The following SIK3 variants were observed in gnomAD, a reference collection of about 807,000 sequenced individuals.
SIK3 encodes SIK family kinase 3.
A neutral mutation model predicts 144.2 loss-of-function variants in SIK3; 28 were observed. That is an observed-to-expected ratio of 0.19 (90% CI 0.14 to 0.27). The LOEUF is 0.27. Among genes scored for constraint, SIK3 ranks in the 10% least tolerant of loss-of-function variants. SIK3 has a pLI of 1.00. For synonymous variants in SIK3, 686 were observed against 676.3 expected, an observed-to-expected ratio of 1.01 and a Z score of -0.22; for missense variants, 1,319 against 1,776.0, an observed-to-expected ratio of 0.74 and a Z score of 4.62.
intron 4 of SIK3, among the ~76,000 whole-genome samples, chr11:116,901,770 T>C (rs17120131): frequency 0.074 from 11,302 of 152,242 alleles, 504 homozygotes; most frequent in Middle Eastern, 0.11. Context: ...CACTTAATGT[T>C]GACTATGAAC....
intron 4 of SIK3, among the ~76,000 whole-genome samples, chr11:116,897,965 T>A (rs918217386): frequency 7.2e-5 from 11 of 152,120 alleles, no homozygotes; most frequent in African/African-American, 2.7e-4. Flanking sequence ...CCTACTCAGC[T>A]GGACCCAGAA....
chr11:116,891,087 G>A (rs1266226476), intron 6 of SIK3, among the ~76,000 whole-genome samples: 1 of 152,116 alleles, frequency 6.6e-6, no homozygotes, highest in Non-Finnish European at 1.5e-5. Flanking sequence ...AGGGAGGATC[G>A]CTTAAGGTTA....
chr11:116,978,984 G>A (rs1238343771), intron 1 of SIK3, among the ~76,000 whole-genome samples: 1 of 152,054 alleles, frequency 6.6e-6, no homozygotes, highest in East Asian at 1.9e-4. Context: ...TGGATTTTTA[G>A]CTACTATGAA....
intron 21 of SIK3, chr11:116,857,413 G>A (rs2134382239): frequency 4.9e-6 from 1 of 203,984 alleles, no homozygotes; most frequent in Non-Finnish European, 1.0e-5. Context: ...TATGATAGCT[G>A]CAAGAGCAGA....
At chr11:116,927,569 A>C (rs1353918896) in intron 3 of SIK3, among the ~76,000 whole-genome samples, 189 bp from the exon 4 acceptor site, 1 of 152,244 alleles carries the variant, frequency 6.6e-6, no homozygotes, top group African/African-American at 2.4e-5. Context: ...TATCCAAACT[A>C]TTTTAAGTAT....
intron 4 of SIK3, among the ~76,000 whole-genome samples, 199 bp downstream of exon 4, chr11:116,927,020 A>G (rs1395165907): frequency 3.7e-5 from 3 of 81,312 alleles, no homozygotes; most frequent in Admixed American, 2.6e-4. Context: ...CTCAGTCTCG[A>G]AAAAAAAAAA....
chr11:117,025,414 T>A (rs892052321), intron 1 of SIK3, among the ~76,000 whole-genome samples: 3 of 152,180 alleles, frequency 2.0e-5, no homozygotes, highest in Non-Finnish European at 4.4e-5. Flanking sequence ...AGTTTCCTCA[T>A]CACAAAATGT....
At chr11:117,077,557 C>T (rs1443098422) in intron 1 of SIK3, among the ~76,000 whole-genome samples, 1 of 152,158 alleles carries the variant, frequency 6.6e-6, no homozygotes, top group African/African-American at 2.4e-5. Flanking sequence ...AAGCCAACTA[C>T]CTAGCAAAGC....
intron 3 of SIK3, among the ~76,000 whole-genome samples, chr11:116,941,245 A>G (rs193145432): frequency 3.9e-4 from 60 of 152,160 alleles, no homozygotes; most frequent in African/African-American, 1.4e-3. Flanking sequence ...TGACCTCGTG[A>G]TCCGCCCGCC....
chr11:116,986,833 C>T (rs1197402916), intron 1 of SIK3, among the ~76,000 whole-genome samples: 1 of 152,184 alleles, frequency 6.6e-6, no homozygotes, highest in Non-Finnish European at 1.5e-5. Context: ...TTACTCTCCT[C>T]TTCATGTTCA....
chr11:116,861,440 T>C, intron 18 of SIK3, 57 bp from the exon 19 acceptor site: 1 of 1,316,504 alleles, frequency 7.6e-7, no homozygotes, highest in Non-Finnish European at 1.1e-6. Flanking sequence ...AGTACAATCT[T>C]AAGTTTCAGC....
At chr11:117,011,372 G>C (rs1951246221) in intron 1 of SIK3, among the ~76,000 whole-genome samples, 1 of 152,156 alleles carries the variant, frequency 6.6e-6, no homozygotes, top group Non-Finnish European at 1.5e-5. Context: ...ATATGAGTAT[G>C]AGTGTATTAC....
chr11:116,852,194 T>G (rs577975), intron 21 of SIK3, among the ~76,000 whole-genome samples: 1 of 152,154 alleles, frequency 6.6e-6, no homozygotes, highest in African/African-American at 2.4e-5. Context: ...GTTTGTTTGC[T>G]GTGTCTTTTA....
intron 13 of SIK3, 75 bp downstream of exon 13, chr11:116,873,406 T>C: frequency 6.3e-7 from 1 of 1,599,656 alleles, no homozygotes. Context: ...TGGCCCTGGG[T>C]TCCCAACCCC....
At chr11:117,083,186 G>A (rs1954862759) in intron 1 of SIK3, among the ~76,000 whole-genome samples, 1 of 152,134 alleles carries the variant, frequency 6.6e-6, no homozygotes. Flanking sequence ...ATTAGAGCAG[G>A]GCACTGGATG....
chr11:117,066,011 T>C (rs981915128), intron 1 of SIK3, among the ~76,000 whole-genome samples: 4 of 152,240 alleles, frequency 2.6e-5, no homozygotes, highest in Middle Eastern at 3.4e-3. Flanking sequence ...CTAAAATTCC[T>C]GGTGTCTTAT....
chr11:116,861,735 T>C, intron 18 of SIK3, 106 bp downstream of exon 18: 1 of 741,990 alleles, frequency 1.3e-6, no homozygotes, highest in East Asian at 2.7e-5. Flanking sequence ...TCAAATAGAT[T>C]CTTGCAAGAT....
At chr11:117,070,852 G>A (rs955232351) in intron 1 of SIK3, among the ~76,000 whole-genome samples, 36 of 147,138 alleles carry the variant, frequency 2.4e-4, no homozygotes, top group Non-Finnish European at 5.9e-5. Flanking sequence ...TCCCGGGTTC[G>A]AGCAATTCTC....
intron 1 of SIK3, chr11:117,016,095 G>A (rs1421658649): frequency 6.6e-6 from 1 of 151,924 alleles, no homozygotes; most frequent in Non-Finnish European, 1.5e-5. Flanking sequence ...GGAGGCCAAG[G>A]CAGATAGATC....
Sources: allele counts gnomAD v4.1 joint callset (sites outside exome capture counted in the v4.1 genomes callset), GRCh38; gene constraint gnomAD v4.1.1; transcripts MANE v1.5; gene names NCBI Gene and HGNC (gene_info 2026-07-23, HGNC 2026-07-21).